PUM2: variants seen among roughly 807,000 people sequenced by gnomAD.
PUM2 encodes the protein pumilio homolog 2.
In PUM2, 57 loss-of-function variants were observed where a neutral mutation model predicts 124.5. The observed-to-expected ratio is 0.46, with a 90% CI of 0.37 to 0.57. The LOEUF (loss-of-function observed/expected upper bound fraction) is 0.57, where lower values mean the gene tolerates loss of function less well. Ranked by LOEUF, PUM2 falls within the 20% of genes least tolerant of loss-of-function variation. The probability of loss-of-function intolerance (pLI) is 0.00; values close to 1 mark genes in which losing one functional copy is unlikely to be tolerated. For missense variants in PUM2, 1,065 were observed against 1,290.6 expected (o/e 0.83, Z 2.68); for synonymous variants, 460 against 446.1 (o/e 1.03, Z -0.39).
At chr2:20,335,032 C>A (rs559585877) in intron 1 of PUM2, among the ~76,000 whole-genome samples, 5 of 152,288 alleles carry the variant, frequency 3.3e-5, no homozygotes, top group African/African-American at 1.2e-4. Flanking sequence ...TCTGCATCCT[C>A]TCACCTCAGT....
intron 1 of PUM2, among the ~76,000 whole-genome samples, chr2:20,340,140 G>C (rs547952051): frequency 6.6e-6 from 1 of 152,070 alleles, no homozygotes; most frequent in South Asian, 2.1e-4. Flanking sequence ...AACAGGTTAG[G>C]GAAGGAACAA....
rs35288020 is a variant in PUM2, at chr2:20,300,152, A to ATT, written c.884-2476_884-2475dup. On this transcript the variant is annotated intron_variant, in intron 7 of 20. Coordinates refer to ENST00000361078, the MANE Select transcript of PUM2 (RefSeq NM_015317.5). ...AGCCTGAACCAGTCCTTCAGGTTAA[A>ATT]TTTTTTTTTTTTTTGAGACAGAGTT... is the stretch of plus-strand genomic sequence containing the variant. 4.7e-3 allele frequency among the ~76,000 whole-genome samples: 687 copies of ATT among 147,642 alleles called. 3 individuals carry two copies. The highest frequency in any genetic ancestry group is 0.015 in the African/African-American group (604 of 40,288).
At chr2:20,302,497 T>C (rs1048347120) in intron 7 of PUM2, among the ~76,000 whole-genome samples, 1 of 152,172 alleles carries the variant, frequency 6.6e-6, no homozygotes, top group African/African-American at 2.4e-5. Flanking sequence ...TGAGACCCAA[T>C]AACCGCCCCC....
chr2:20,263,787 C>T (rs1166793356), intron 13 of PUM2, among the ~76,000 whole-genome samples: 1 of 152,142 alleles, frequency 6.6e-6, no homozygotes, highest in Non-Finnish European at 1.5e-5. Context: ...TTTTCAGTTA[C>T]ATTAACAAGC....
intron 1 of PUM2, among the ~76,000 whole-genome samples, chr2:20,336,746 ATCTGTGTG>A (rs1356818900): frequency 4.6e-5 from 4 of 87,382 alleles, no homozygotes; most frequent in South Asian, 4.0e-4. Flanking sequence ...GCCCAGGCTG[ATCTGTGTG>A]TGTGTGTGTG....
chr2:20,253,738 G>C (rs1217386820), intron 20 of PUM2, 84 bp downstream of exon 20: 1 of 1,241,562 alleles, frequency 8.1e-7, no homozygotes, highest in East Asian at 2.5e-5. Context: ...ATAACATACG[G>C]GAGGAAATGA....
rs72787431 is a variant in PUM2 at position 20,307,758 on chromosome 2, T to G, written c.883+220A>C. Among the ~76,000 whole-genome samples, 1,075 of 152,338 alleles carry G rather than the reference T, an allele frequency of 7.1e-3. 5 individuals are homozygous for G. Among genetic ancestry groups the G allele is most frequent in the Non-Finnish European group, 0.012 (827 of 68,030 alleles). On this transcript the variant is annotated intron_variant, in intron 7 of 20. Transcript: ENST00000361078. ...GGAGAAAAACTTATGTGATAATAAC[T>G]TTTATCGAATTACAGATTTTTATTT... is the stretch of plus-strand genomic sequence containing the variant.
In PUM2 at chr2:20,260,375, C is replaced by G. The variant is rs1156410819; in HGVS notation, c.2317G>C (p.Asp773His). The change falls in exon 15 of 21, where the codon GAT becomes CAT. Residue 773 changes from aspartate (D) to histidine (H), a missense_variant. Transcript: ENST00000361078. ...TGTATAACATAGTTGCCAAAAACAT[C>G]AGTCATTAATTGATAGGCTGCTTGC... Reference protein sequence around the residue: ...ILQAAYQLMTDVFGNYVIQKF... With the variant: ...ILQAAYQLMTHVFGNYVIQKF... The G allele has an allele frequency of 6.2e-7, 1 of 1,612,428 alleles. No individual in the cohort carries two copies. The highest frequency in any genetic ancestry group is 8.5e-7 in the Non-Finnish European group (1 of 1,179,092).
intron 1 of PUM2, among the ~76,000 whole-genome samples, chr2:20,344,755 G>A (rs977404710): frequency 9.2e-5 from 14 of 151,958 alleles, no homozygotes; most frequent in Non-Finnish European, 1.2e-4. Context: ...GGCTGAGGCC[G>A]GCGGATCACG....
chr2:20,308,508 C>T lies in PUM2; in HGVS notation c.595G>A (p.Gly199Arg). Residue 199 changes from glycine to arginine, a missense_variant, in exon 6 of 21, where the codon GGA becomes AGA. Gly to Arg is a moderately radical substitution (Grantham distance 125). Transcript: ENST00000361078. ...GTAGGATTAGGAAGAGGCCCCAGTC[C>T]TTCTGAGGGATTAGTATTGGGGCCC... is the stretch of plus-strand genomic sequence containing the variant. Reference protein sequence around the residue: ...RLGPNTNPSEGLGPLPNPTAN... With the variant: ...RLGPNTNPSERLGPLPNPTAN... 2 of 1,614,100 alleles carry T rather than the reference C, an allele frequency of 1.2e-6. No homozygotes were observed. Among genetic ancestry groups the T allele is most frequent in the Non-Finnish European group, 1.7e-6 (2 of 1,179,976 alleles).
At chr2:20,280,671 T>A (rs537886464) in intron 12 of PUM2, among the ~76,000 whole-genome samples, 1 of 152,144 alleles carries the variant, frequency 6.6e-6, no homozygotes, top group Non-Finnish European at 1.5e-5. Context: ...AGAAATAACC[T>A]TAAATATAAA....
In PUM2 at chr2:20,255,342, C is replaced by G; in HGVS notation, c.2623-1G>C. On this transcript the variant is annotated splice_acceptor_variant, in intron 17 of 20. Transcript: ENST00000361078. LOFTEE classifies it high-confidence loss of function. ...AAGGATGAGTTGAAAGCACAAATAC[C>G]TGAGGACAATTAGAAGAATTAAAAT... The G allele has an allele frequency of 6.2e-7, 1 of 1,610,658 alleles. No homozygotes were observed. The highest frequency in any genetic ancestry group is 8.5e-7 in the Non-Finnish European group (1 of 1,178,654).
At chr2:20,284,602 C>T (rs1393690224) in intron 10 of PUM2, among the ~76,000 whole-genome samples, 14 of 152,154 alleles carry the variant, frequency 9.2e-5, no homozygotes, top group African/African-American at 2.9e-4. Context: ...GCGATCCTCC[C>T]GCCTCAGCCT....
chr2:20,339,103 A>G (rs1294286331), intron 1 of PUM2, among the ~76,000 whole-genome samples: 1 of 152,240 alleles, frequency 6.6e-6, no homozygotes, highest in Non-Finnish European at 1.5e-5. Flanking sequence ...GCACTAAAAA[A>G]TAAGTTATTT....
At chr2:20,285,675 C>T (rs1304629201) in intron 10 of PUM2, among the ~76,000 whole-genome samples, 1 of 152,002 alleles carries the variant, frequency 6.6e-6, no homozygotes, top group Admixed American at 6.5e-5. Flanking sequence ...CTACCACATG[C>T]CAGCCACTAT....
chr2:20,350,841 C>G lies in PUM2; in HGVS notation c.-263G>C. The G allele has an allele frequency of 1.0e-6, 1 of 970,022 alleles. No homozygotes were observed. The allele number at this position is 970,022 out of a possible 1,614,324, so 60.1% of individuals were successfully genotyped here. A position where few individuals can be genotyped will look rare whatever the true frequency, so the allele number is the denominator to read the frequency against. On this transcript the variant is annotated 5_prime_UTR_variant, in exon 1 of 21. Transcript: ENST00000361078. ...ATGGCTGCCACCGCCGCCTGCCCTCCCCTCCCCCCCGCCCACCGGGCGCGC... is the reference window on the plus strand; with the variant it reads ...ATGGCTGCCACCGCCGCCTGCCCTCGCCTCCCCCCCGCCCACCGGGCGCGC...
At chr2:20,341,109 G>A (rs2149070257) in intron 1 of PUM2, among the ~76,000 whole-genome samples, 1 of 152,260 alleles carries the variant, frequency 6.6e-6, no homozygotes, top group Non-Finnish European at 1.5e-5. Flanking sequence ...CTTGAGTCCA[G>A]GAGTTCAAGA....
chr2:20,317,617 T>C (rs1390499400), intron 3 of PUM2, among the ~76,000 whole-genome samples: 1 of 152,146 alleles, frequency 6.6e-6, no homozygotes, highest in Non-Finnish European at 1.5e-5. Context: ...TAAATTCATG[T>C]CACAGGGGTT....
intron 2 of PUM2, among the ~76,000 whole-genome samples, chr2:20,319,782 T>C (rs1337094110): frequency 6.6e-6 from 1 of 152,178 alleles, no homozygotes; most frequent in Non-Finnish European, 1.5e-5. Flanking sequence ...GATCAGATTA[T>C]GAAGACCCTT....
Sources: gnomAD v4.1 joint callset for allele counts (sites outside exome capture counted in the v4.1 genomes callset) on GRCh38, gnomAD v4.1.1 for gene constraint, MANE v1.5 for transcripts, NCBI Gene and HGNC (gene_info 2026-07-23, HGNC 2026-07-21) for gene names.